The following ANK3 variants were observed in gnomAD, a reference collection of about 807,000 sequenced individuals.
ANK3 encodes the protein ankyrin-3.
Under a neutral mutation model 370.9 loss-of-function variants are expected in ANK3, and 57 were observed. That is an observed-to-expected ratio of 0.15 (90% CI 0.12 to 0.19). ANK3 has a LOEUF of 0.19. Among genes scored for constraint, ANK3 ranks in the 10% least tolerant of loss-of-function variants. The pLI is 1.00. For synonymous variants in ANK3, 1,929 were observed against 1,946.3 expected, an observed-to-expected ratio of 0.99 and a Z score of 0.23; for missense variants, 4,439 against 5,302.1, an observed-to-expected ratio of 0.84 and a Z score of 5.06.
At position 60,074,586 on chromosome 10, in the gene ANK3, C is replaced by A; in HGVS notation, c.6295G>T (p.Ala2099Ser). 1.9e-6 allele frequency: 3 copies of A among 1,614,084 alleles called. No individual in the cohort carries two copies. The highest frequency in any genetic ancestry group is 2.5e-6 in the Non-Finnish European group (3 of 1,180,018). ...GTATCTGTTCCAAAAAAGGAATCAGCCATTTTACACAATTCTTTCTCAGAG... is the reference window on the plus strand; with the variant it reads ...GTATCTGTTCCAAAAAAGGAATCAGACATTTTACACAATTCTTTCTCAGAG... The part of the protein sequence containing the change: ...STSEKELCKM[A>S]DSFFGTDTIL... Residue 2099 changes from alanine to serine, a missense_variant, in exon 37 of 44, where the codon GCT becomes TCT. Ala to Ser is a moderately conservative substitution (Grantham distance 99, BLOSUM62 1). Around this residue, in one of 13 missense-constraint regions of ANK3, gnomAD observed 679 missense variants for 791.0 expected, o/e 0.86. Transcript: ENST00000280772.
In ANK3 at chr10:60,064,333, T is replaced by C; in HGVS notation, c.12320-45A>G. 3.3e-6 allele frequency: 5 copies of C among 1,526,546 alleles called. No individual in the cohort carries two copies. The South Asian group carries it at 3.8e-5, about 12-fold the overall frequency. The allele number at this position is 1,526,546 out of a possible 1,614,324, so 94.6% of individuals were successfully genotyped here. ...TTACTAAGATTGCATATTCTACTTTTATCACACGTTTCATAAAAGTAATGC... is the reference window on the plus strand; with the variant it reads ...TTACTAAGATTGCATATTCTACTTTCATCACACGTTTCATAAAAGTAATGC... On this transcript the variant is annotated intron_variant, in intron 38 of 43. Transcript: ENST00000280772.
At chr10:60,104,357 C>CAAAA (rs747064489) in intron 28 of ANK3, among the ~76,000 whole-genome samples, 8 of 53,754 alleles carry the variant, frequency 1.5e-4, no homozygotes, top group Admixed American at 6.2e-4. Context: ...GACTCCATCT[C>CAAAA]AAAAAAAAAA....
At chr10:60,437,828 G>A (rs1256993995) in intron 2 of ANK3, among the ~76,000 whole-genome samples, 1 of 152,112 alleles carries the variant, frequency 6.6e-6, no homozygotes, top group African/African-American at 2.4e-5. Context: ...AAAGGATTAA[G>A]CAACTTATGC....
intron 7 of ANK3, among the ~76,000 whole-genome samples, chr10:60,237,004 C>T (rs1254605445): frequency 1.3e-5 from 2 of 152,324 alleles, no homozygotes; most frequent in African/African-American, 2.4e-5. Flanking sequence ...TGGATTTGGC[C>T]TGTGGGCAGT....
At chr10:60,196,887 G>T (rs986030190) in intron 14 of ANK3, among the ~76,000 whole-genome samples, 1 of 152,156 alleles carries the variant, frequency 6.6e-6, no homozygotes, top group African/African-American at 2.4e-5. Context: ...CCCTTCTGCT[G>T]ACTGAGCCAT....
At position 60,071,282 on chromosome 10, in the gene ANK3, A is replaced by G; in HGVS notation, c.9599T>C (p.Ile3200Thr). 6.2e-7 allele frequency: 1 copy of G among 1,614,088 alleles called. No homozygotes were observed. Among genetic ancestry groups the G allele is most frequent in the Non-Finnish European group, 8.5e-7 (1 of 1,179,988 alleles). ...IAYIPGKPSP[I>T]PEVSEESEEE... ...CTCTGACTCCTCAGAAACCTCGGGA[A>G]TTGGGCTGGGTTTGCCTGGTATATA... The change falls in exon 37 of 44, where the codon ATT (isoleucine) becomes ACT (threonine). Residue 3200 changes from isoleucine (I) to threonine (T), a missense_variant. This residue lies in a region of ANK3 where 1,601 missense variants were observed against 1,731.7 expected (regional missense o/e 0.92). Transcript: ENST00000280772.
intron 7 of ANK3, among the ~76,000 whole-genome samples, chr10:60,259,916 CA>C (rs762771310): frequency 6.6e-5 from 10 of 152,260 alleles, no homozygotes; most frequent in Admixed American, 5.2e-4. Context: ...CTTTGTCCTT[CA>C]AAGTGTCAAA....
At chr10:60,366,311 T>C (rs1353579429) in intron 1 of ANK3, among the ~76,000 whole-genome samples, 6 of 152,116 alleles carry the variant, frequency 3.9e-5, no homozygotes, top group Admixed American at 3.9e-4. Context: ...CCAGCCTGAG[T>C]GACAGAGACA....
At chr10:60,572,306 C>G (rs888746649) in intron 2 of ANK3, among the ~76,000 whole-genome samples, 15 of 152,134 alleles carry the variant, frequency 9.9e-5, no homozygotes, top group Non-Finnish European at 1.3e-4. Context: ...TCCTCCAAGA[C>G]AGAACACACC....
At chr10:60,384,478 T>C (rs1054941269) in intron 1 of ANK3, among the ~76,000 whole-genome samples, 2 of 152,150 alleles carry the variant, frequency 1.3e-5, no homozygotes, top group African/African-American at 2.4e-5. Flanking sequence ...TGTGAAAATA[T>C]TAATGCCATA....
chr10:60,377,140 G>T (rs866009645), intron 1 of ANK3, among the ~76,000 whole-genome samples: 5 of 152,332 alleles, frequency 3.3e-5, no homozygotes, highest in Middle Eastern at 6.8e-3. Context: ...GGGTGCAGTG[G>T]CCAAGCCACT....
intron 1 of ANK3, among the ~76,000 whole-genome samples, chr10:60,727,805 C>T (rs1030523401): frequency 1.3e-5 from 2 of 152,046 alleles, no homozygotes; most frequent in Admixed American, 1.3e-4. Flanking sequence ...CAACTATTCT[C>T]AGTGTAAGAG....
At chr10:60,054,120 G>A (rs1320502445) in intron 42 of ANK3, among the ~76,000 whole-genome samples, 1 of 152,154 alleles carries the variant, frequency 6.6e-6, no homozygotes, top group Non-Finnish European at 1.5e-5. Context: ...ATATGCACAT[G>A]TACACACACA....
In ANK3 at chr10:60,434,310, A is replaced by T. The variant is rs192479620; in HGVS notation, c.97-154671T>A. On this transcript the variant is annotated intron_variant, in intron 2 of 43. Coordinates refer to the ANK3 transcript ENST00000373827. ...TATTAATGGCCCTATAGCATAGCCC[A>T]TGTTTTCAATATTCAGAAGGAATAT... Among the ~76,000 whole-genome samples, 253 of 152,342 alleles carry T rather than the reference A, an allele frequency of 1.7e-3. 1 individual carries two copies. The highest frequency in any genetic ancestry group is 5.8e-3 in the African/African-American group (243 of 41,578).
intron 43 of ANK3, among the ~76,000 whole-genome samples, chr10:60,035,549 G>T (rs540725304): frequency 6.6e-6 from 1 of 150,850 alleles, no homozygotes; most frequent in Non-Finnish European, 1.5e-5. Context: ...CACTGCGCCC[G>T]GCCAAAAAGA....
chr10:60,483,899 T>C (rs926959715), intron 2 of ANK3, among the ~76,000 whole-genome samples: 1 of 152,180 alleles, frequency 6.6e-6, no homozygotes, highest in African/African-American at 2.4e-5. Flanking sequence ...GACAGAACAA[T>C]GTCGAGGTAC....
intron 1 of ANK3, among the ~76,000 whole-genome samples, chr10:60,341,989 T>C (rs2054388052): frequency 1.3e-5 from 2 of 152,104 alleles, no homozygotes; most frequent in African/African-American, 4.8e-5. Context: ...TACACATTCA[T>C]GAGAGGGAGT....
At chr10:60,689,690 T>TGCA (rs1332726138) in intron 1 of ANK3, among the ~76,000 whole-genome samples, 5 of 149,324 alleles carry the variant, frequency 3.3e-5, no homozygotes, top group African/African-American at 1.2e-4. Flanking sequence ...AGGTGGAAGT[T>TGCA]GCAGTGAGCC....
intron 2 of ANK3, among the ~76,000 whole-genome samples, chr10:60,458,687 A>G (rs1338397549): frequency 6.6e-6 from 1 of 152,164 alleles, no homozygotes; most frequent in African/African-American, 2.4e-5. Context: ...AATAAGCTCA[A>G]GTAAAAATAT....
Sources: allele counts gnomAD v4.1 joint callset (sites outside exome capture counted in the v4.1 genomes callset), GRCh38; gene constraint gnomAD v4.1.1; regional missense constraint gnomAD v4.1.1; transcripts MANE v1.5; gene names NCBI Gene and HGNC (gene_info 2026-07-23, HGNC 2026-07-21).